Variants in ITM2C observed in about 807,000 individuals in gnomAD.
ITM2C encodes BRICHOS domain containing 2C.
In ITM2C, 20 loss-of-function variants were observed where a neutral mutation model predicts 30.0. The observed-to-expected ratio is 0.67, with a 90% CI of 0.47 to 0.97. The LOEUF is 0.97. Among genes scored for constraint, ITM2C ranks in the 50% least tolerant of loss-of-function variants. ITM2C has a pLI of 0.00. For missense variants in ITM2C, 366 were observed against 371.9 expected (o/e 0.98, Z 0.13); for synonymous variants, 167 against 156.4 (o/e 1.07, Z -0.51).
At position 230,879,125 on chromosome 2, in the gene ITM2C, A is replaced by AGG. The variant is rs1452851328; in HGVS notation, c.*1027_*1028insGG. The AGG allele has an allele frequency of 6.6e-6, 1 of 152,670 alleles. No individual in the cohort carries two copies. Among genetic ancestry groups the AGG allele is most frequent in the Admixed American group, 6.5e-5 (1 of 15,298 alleles). The allele number at this position is 152,670 out of a possible 1,614,324, so 9.5% of individuals were successfully genotyped here. On this transcript the variant is annotated 3_prime_UTR_variant, in exon 6 of 6. Coordinates refer to ENST00000326427, the MANE Select transcript of ITM2C (RefSeq NM_030926.6). ...AACCGTTCTCAGCCCTGAGCCTTGG[A>AGG]GAGGAGGGCTGTAACGCCTTCAGTC... is the stretch of plus-strand genomic sequence containing the variant.
chr2:230,870,584 G>A (rs1202978683), intron 1 of ITM2C, among the ~76,000 whole-genome samples: 4 of 152,204 alleles, frequency 2.6e-5, no homozygotes, highest in Admixed American at 6.5e-5. Context: ...AGGAACCCCT[G>A]CCCTTCTCTG....
intron 1 of ITM2C, 151 bp from the exon 2 acceptor site, chr2:230,873,266 C>G: frequency 1.5e-6 from 1 of 660,650 alleles, no homozygotes; most frequent in Non-Finnish European, 2.3e-6. Context: ...CCCTGGTGGG[C>G]CTTCCTTTCC....
chr2:230,864,462 G>T (rs1451329024), upstream of ITM2C, among the ~76,000 whole-genome samples: 8 of 152,286 alleles, frequency 5.3e-5, no homozygotes, highest in African/African-American at 1.9e-4. This position sits in a 1 kb window ranked among gnomAD's most constrained non-coding sequence, Gnocchi z 4.3. Flanking sequence ...TCCTCCCCGC[G>T]CCAAGGACAG....
intron 1 of ITM2C, among the ~76,000 whole-genome samples, chr2:230,872,838 C>T (rs978524313): frequency 3.7e-4 from 57 of 152,248 alleles, no homozygotes; most frequent in Admixed American, 5.9e-4. Flanking sequence ...AGTTGAGCAG[C>T]CTTTACACAG....
chr2:230,868,289 G>A (rs1440467127), intron 1 of ITM2C, among the ~76,000 whole-genome samples: 1 of 152,112 alleles, frequency 6.6e-6, no homozygotes. Context: ...CTGAGATAAT[G>A]AGGAGCTGGG....
At chr2:230,875,916 C>A in intron 3 of ITM2C, 108 bp downstream of exon 3, 3 of 909,854 alleles carry the variant, frequency 3.3e-6, no homozygotes, top group Non-Finnish European at 5.0e-6. Context: ...CAGGTGTCTA[C>A]GGTTAGGCTT....
intron 1 of ITM2C, among the ~76,000 whole-genome samples, chr2:230,870,194 G>A (rs1017272468): frequency 1.3e-5 from 2 of 152,230 alleles, no homozygotes; most frequent in African/African-American, 2.4e-5. Context: ...AGGGCCAAAG[G>A]GACAGTGAGG....
At chr2:230,874,395 G>A (rs1697238857) in intron 2 of ITM2C, among the ~76,000 whole-genome samples, 1 of 152,038 alleles carries the variant, frequency 6.6e-6, no homozygotes, top group Admixed American at 6.5e-5. Flanking sequence ...TCCATGGCCT[G>A]CGTCCCCCTC....
Position 230,877,037 on chromosome 2 carries a change from G to T in ITM2C, c.561+70G>T, listed in dbSNP as rs956972992. 1.3e-5 allele frequency: 14 copies of T among 1,090,444 alleles called. No homozygotes were observed. Among genetic ancestry groups the T allele is most frequent in the African/African-American group, 3.1e-5 (2 of 64,882 alleles). 67.5% of individuals were successfully genotyped at this position (1,090,444 alleles called of 1,614,324 possible). Reference sequence around the variant, plus strand: ...CTTGCCCCCTGTCTCATGGAGGCTAGGTCTGAGGTACAGGAAGTTCCTGTG... The same window carrying T: ...CTTGCCCCCTGTCTCATGGAGGCTATGTCTGAGGTACAGGAAGTTCCTGTG... On this transcript the variant is annotated intron_variant, in intron 4 of 5. Transcript: ENST00000326427. This position sits in a 1 kb window ranked among gnomAD's most constrained non-coding sequence, Gnocchi z 4.8.
chr2:230,877,564 T>C lies in ITM2C; in HGVS notation c.712+14T>C. On this transcript the variant is annotated intron_variant, in intron 5 of 5. Transcript: ENST00000326427. The surrounding 1 kb of genome is among the most constrained non-coding windows in gnomAD (Gnocchi z 4.8). ...CAACGCGGAGGCGTGAGTGGCTGGC[T>C]TCACCCACAGTAGCCCCTGTCCCGT... 1.2e-6 allele frequency: 2 copies of C among 1,612,744 alleles called. No homozygotes were observed. The highest frequency in any genetic ancestry group is 1.7e-6 in the Non-Finnish European group (2 of 1,179,914).
rs2289232 is a variant in ITM2C, at chr2:230,873,567, C to T, written c.261+10C>T. 2.7e-5 allele frequency: 43 copies of T among 1,595,924 alleles called. No individual in the cohort carries two copies. The highest frequency in any genetic ancestry group is 3.3e-4 in the Middle Eastern group (2 of 6,018). On this transcript the variant is annotated intron_variant, in intron 2 of 5. Transcript: ENST00000326427. The stretch of plus-strand genomic sequence containing the variant: ...CTTCTTCCTTGCGCAGGTGAGGGGC[C>T]GGGCCAGGTAGGGGCAAGGCCTCGA...
chr2:230,876,940 C>T lies in ITM2C; in HGVS notation c.534C>T (p.Asn178=), dbSNP rs144554804. Residue 178 remains asparagine, a synonymous_variant, in exon 4 of 6, where the codon AAC becomes AAT. Transcript: ENST00000326427. ...CCACCATTGTGCTGCCCCCTCGCAA[C>T]TTCTGGGAGCTCCTCATGAACGTGA... ...LNTTIVLPPR[N]FWELLMNVKR... is the part of the protein sequence containing the mutation. 1.2e-6 allele frequency: 2 copies of T among 1,613,334 alleles called. No individual in the cohort carries two copies. The highest frequency in any genetic ancestry group is 2.7e-5 in the African/African-American group (2 of 74,908).
At position 230,878,046 on chromosome 2, in the gene ITM2C, C is replaced by T. The variant is rs200266468; in HGVS notation, c.751C>T (p.Arg251Cys). The change falls in exon 6 of 6, where the codon CGC becomes TGC. Residue 251 changes from arginine (R) to cysteine (C), a missense_variant. Arg to Cys is a radical substitution (Grantham distance 180, BLOSUM62 -3). Transcript: ENST00000326427. This position sits in a 1 kb window ranked among gnomAD's most constrained non-coding sequence, Gnocchi z 4.5. ...KRGAKNCNAI[R>C]HFENTFVVET... ...TGGGGCCAAGAACTGCAATGCCATC[C>T]GCCACTTCGAGAACACCTTCGTGGT... The T allele has an allele frequency of 6.2e-6, 10 of 1,609,940 alleles. No individual in the cohort carries two copies. Among genetic ancestry groups the T allele is most frequent in the East Asian group, 4.5e-5 (2 of 44,682 alleles).
At chr2:230,868,331 G>T (rs993028911) in intron 1 of ITM2C, among the ~76,000 whole-genome samples, 83 of 152,162 alleles carry the variant, frequency 5.5e-4, no homozygotes, top group Middle Eastern at 6.8e-3. Context: ...GGCTGGACCG[G>T]AAGCACCCCC....
rs1024093587 is a variant in ITM2C, at chr2:230,873,676, C to T, written c.261+119C>T. 23 of 1,020,784 alleles carry T rather than the reference C, an allele frequency of 2.3e-5. No individual in the cohort carries two copies. The African/African-American group carries it at 2.3e-4, about 10-fold the overall frequency. The allele number at this position is 1,020,784 out of a possible 1,614,324, so 63.2% of individuals were successfully genotyped here. On this transcript the variant is annotated intron_variant, in intron 2 of 5. Coordinates refer to ENST00000326427, the MANE Select transcript of ITM2C (RefSeq NM_030926.6). ...CCCCAGACATGCCCTCAGGTGGGAGCGAGTGCCCGGCCAGCCCACAAGACT... is the reference window on the plus strand; with the variant it reads ...CCCCAGACATGCCCTCAGGTGGGAGTGAGTGCCCGGCCAGCCCACAAGACT...
At position 230,864,951 on chromosome 2, in the gene ITM2C, G is replaced by A. The variant is rs1001877816; in HGVS notation, c.-75G>A. On this transcript the variant is annotated 5_prime_UTR_variant, in exon 1 of 6. Coordinates refer to ENST00000326427, the MANE Select transcript of ITM2C (RefSeq NM_030926.6). The surrounding 1 kb of genome is among the most constrained non-coding windows in gnomAD (Gnocchi z 4.3). ...GATCCAAACTTCCGGTGCCTGCAGA[G>A]CTCGGAGCGGCGGAGGCAGAGACCG... The A allele has an allele frequency of 1.5e-6, 2 of 1,338,578 alleles. No homozygotes were observed. Among genetic ancestry groups the A allele is most frequent in the Non-Finnish European group, 1.9e-6 (2 of 1,035,008 alleles). The allele number at this position is 1,338,578 out of a possible 1,614,324, so 82.9% of individuals were successfully genotyped here.
intron 1 of ITM2C, among the ~76,000 whole-genome samples, chr2:230,871,310 G>A (rs1697159069): frequency 6.6e-6 from 1 of 152,266 alleles, no homozygotes; most frequent in African/African-American, 2.4e-5. Flanking sequence ...ACCTGCTCAG[G>A]AGCGCCAGAG....
intron 1 of ITM2C, among the ~76,000 whole-genome samples, chr2:230,866,443 A>G (rs543758085): frequency 3.4e-4 from 52 of 152,030 alleles, no homozygotes; most frequent in African/African-American, 1.3e-3. Flanking sequence ...GTTGGGTGTC[A>G]GCCTGGGCAG....
Position 230,875,672 on chromosome 2 carries a change from C to A in ITM2C, c.314C>A (p.Ser105Tyr). Residue 105 changes from serine (S) to tyrosine (Y), a missense_variant, in exon 3 of 6, where the codon TCC (serine) becomes TAC (tyrosine). By Grantham distance (144) the Ser-to-Tyr change is moderately radical. Coordinates refer to ENST00000326427, the MANE Select transcript of ITM2C (RefSeq NM_030926.6). Reference sequence around the variant, plus strand: ...GGTGTGCTGTATGAGGACTCCCTGTCCTCCCAGGTCCGGACTCAGATGGAG... The same window carrying A: ...GGTGTGCTGTATGAGGACTCCCTGTACTCCCAGGTCCGGACTCAGATGGAG... Reference protein sequence around the residue: ...RCGVLYEDSLSSQVRTQMELE... With the variant: ...RCGVLYEDSLYSQVRTQMELE... The A allele has an allele frequency of 6.2e-7, 1 of 1,613,582 alleles. No homozygotes were observed. Among genetic ancestry groups the A allele is most frequent in the Non-Finnish European group, 8.5e-7 (1 of 1,179,692 alleles).
Sources: gnomAD v4.1 joint callset for allele counts (sites outside exome capture counted in the v4.1 genomes callset) on GRCh38, gnomAD v4.1.1 for gene constraint, Gnocchi (gnomAD v3.1) non-coding constraint, MANE v1.5 for transcripts, NCBI Gene and HGNC (gene_info 2026-07-23, HGNC 2026-07-21) for gene names.